The following MEIS3 variants were observed in gnomAD, a reference collection of about 807,000 sequenced individuals.
The protein encoded by MEIS3 is homeobox protein Meis3.
In MEIS3, 38 loss-of-function variants were observed where a neutral mutation model predicts 51.4. That is an observed-to-expected ratio of 0.74 (90% CI 0.57 to 0.97). MEIS3 has a LOEUF of 0.97. MEIS3 is among the 50% of genes least tolerant of loss of function. MEIS3 has a pLI of 0.00. For synonymous variants in MEIS3, 198 were observed against 201.8 expected, an observed-to-expected ratio of 0.98 and a Z score of 0.16; for missense variants, 456 against 502.6, an observed-to-expected ratio of 0.91 and a Z score of 0.89.
upstream of MEIS3, among the ~76,000 whole-genome samples, chr19:47,421,059 C>G (rs12609444): frequency 0.25 from 37,441 of 150,884 alleles, 6,083 homozygotes; most frequent in African/African-American, 0.46. Flanking sequence ...GGTGCTGGAG[C>G]GGGGGTGCCT....
chr19:47,414,985 A>G (rs1435775033), intron 5 of MEIS3, 66 bp downstream of exon 5: 3 of 715,526 alleles, frequency 4.2e-6, no homozygotes, highest in Non-Finnish European at 1.9e-6. Flanking sequence ...GGTGGGGGGC[A>G]GAGGCGACGA....
chr19:47,421,746 CT>C (rs11323618), upstream of MEIS3, among the ~76,000 whole-genome samples: 26,645 of 143,546 alleles, frequency 0.19, 3,580 homozygotes, highest in African/African-American at 0.38. Context: ...TGTCTCCTGG[CT>C]TTTTTTTTTT....
chr19:47,408,491 T>C (rs1385360302), intron 8 of MEIS3, among the ~76,000 whole-genome samples: 1 of 152,092 alleles, frequency 6.6e-6, no homozygotes, highest in Non-Finnish European at 1.5e-5. Context: ...TGTGTTTCTG[T>C]CTGTATCTCT....
upstream of MEIS3, among the ~76,000 whole-genome samples, chr19:47,419,825 C>T (rs748533095): frequency 8.5e-5 from 13 of 152,208 alleles, no homozygotes; most frequent in Middle Eastern, 3.4e-3. Flanking sequence ...TCCTTTCTCT[C>T]CTCTGGCTCT....
chr19:47,414,375 TG>T (rs2122536890), intron 6 of MEIS3, among the ~76,000 whole-genome samples: 1 of 152,134 alleles, frequency 6.6e-6, no homozygotes, highest in East Asian at 1.9e-4. Context: ...ATGGCTGGGC[TG>T]GGGGGCGTGT....
intron 6 of MEIS3, among the ~76,000 whole-genome samples, chr19:47,413,410 A>T (rs1971235073): frequency 6.6e-6 from 1 of 151,858 alleles, no homozygotes; most frequent in Non-Finnish European, 1.5e-5. Context: ...AAAAAAAAAA[A>T]AATGTCTCCG....
At chr19:47,417,930 C>T (rs927726539) in intron 1 of MEIS3, 5 of 568,602 alleles carry the variant, frequency 8.8e-6, no homozygotes, top group South Asian at 4.4e-5. Context: ...CCCCCACACA[C>T]ACATGCACAC....
chr19:47,407,576 C>T, intron 8 of MEIS3, 148 bp from the exon 9 acceptor site: 1 of 1,505,204 alleles, frequency 6.6e-7, no homozygotes, highest in Non-Finnish European at 8.8e-7. Flanking sequence ...TCTGCGCTCC[C>T]CAGGATGGAG....
upstream of MEIS3, among the ~76,000 whole-genome samples, chr19:47,420,940 ACTCT>A (rs71180840): frequency 3.4e-4 from 31 of 90,994 alleles, no homozygotes; most frequent in South Asian, 1.5e-3. Flanking sequence ...ACACACACAC[ACTCT>A]CTCTCTCTCT....
At chr19:47,411,302 T>C (rs1450982176) in intron 6 of MEIS3, among the ~76,000 whole-genome samples, 1 of 152,134 alleles carries the variant, frequency 6.6e-6, no homozygotes, top group East Asian at 1.9e-4. Flanking sequence ...CTAGGCAGGG[T>C]CTGGGGCACA....
chr19:47,407,087 T>C lies in MEIS3; in HGVS notation c.986A>G (p.Asn329Ser), dbSNP rs1970865900. ...RIVQPMIDQS[N>S]RTGQGAAFSP... ...CCGCCTTCCCCCTGTACCTGTGCGG[T>C]TGGATTGATCGATCATAGGTTGCAC... Residue 329 changes from asparagine (N) to serine (S), a missense_variant, in exon 10 of 13, where the codon AAC becomes AGC. Transcript: ENST00000558555. The C allele has an allele frequency of 6.2e-7, 1 of 1,611,046 alleles. No homozygotes were observed. Among genetic ancestry groups the C allele is most frequent in the African/African-American group, 1.3e-5 (1 of 74,846 alleles).
At chr19:47,411,517 TG>T (rs2122514367) in intron 6 of MEIS3, among the ~76,000 whole-genome samples, 1 of 151,064 alleles carries the variant, frequency 6.6e-6, no homozygotes, top group South Asian at 2.1e-4. Context: ...TAAGGGGGTC[TG>T]GGGCTGTATT....
At chr19:47,420,904 TCTCTCTCACACACACACA>T (rs1418455631), upstream of MEIS3, among the ~76,000 whole-genome samples, 1 of 92,662 alleles carries the variant, frequency 1.1e-5, no homozygotes, top group African/African-American at 3.7e-5. Flanking sequence ...TCTCTCTCTC[TCTCTCTCACACACACACA>T]CACACACACA....
At chr19:47,418,005 GATGA>G (rs779211561) in intron 1 of MEIS3, 41 of 422,628 alleles carry the variant, frequency 9.7e-5, no homozygotes, top group East Asian at 4.0e-4. Flanking sequence ...TTGGCACATG[GATGA>G]ATGAATGAAT....
In MEIS3 at chr19:47,415,013, G is replaced by C; in HGVS notation, c.447+38C>G. 3.3e-6 allele frequency: 5 copies of C among 1,527,486 alleles called. 1 individual carries two copies. The highest frequency in any genetic ancestry group is 2.1e-4 in the Middle Eastern group (1 of 4,784). The allele number at this position is 1,527,486 out of a possible 1,614,324, so 94.6% of individuals were successfully genotyped here. On this transcript the variant is annotated intron_variant, in intron 5 of 12. Coordinates refer to ENST00000558555, the MANE Select transcript of MEIS3 (RefSeq NM_001301059.2). ...GGCGACGAGAGGGGGTGGGATGACAGGGGCAAGTGAGGGTGTGGGGAGGTG... is the reference window on the plus strand; with the variant it reads ...GGCGACGAGAGGGGGTGGGATGACACGGGCAAGTGAGGGTGTGGGGAGGTG...
chr19:47,408,965 A>T, intron 8 of MEIS3, 134 bp downstream of exon 8: 1 of 993,718 alleles, frequency 1.0e-6, no homozygotes. Context: ...ACAATTCTCC[A>T]CCTCCATGAG....
chr19:47,413,660 T>C (rs1007488246), intron 6 of MEIS3, among the ~76,000 whole-genome samples: 5 of 151,724 alleles, frequency 3.3e-5, no homozygotes, highest in Non-Finnish European at 7.4e-5. Context: ...GTGTCCTAAG[T>C]GGATAAAACT....
chr19:47,403,866 GAGA>G (rs144489552), intron 12 of MEIS3, among the ~76,000 whole-genome samples: 34 of 152,150 alleles, frequency 2.2e-4, no homozygotes, highest in Non-Finnish European at 2.1e-4. Flanking sequence ...TGGGAAGAGA[GAGA>G]AGAAGTCATG....
chr19:47,408,092 A>G (rs1254072201), intron 8 of MEIS3, among the ~76,000 whole-genome samples: 1 of 151,988 alleles, frequency 6.6e-6, no homozygotes, highest in East Asian at 1.9e-4. Flanking sequence ...GGCATAAGCC[A>G]CCGCACCCAG....
Sources: gnomAD v4.1 joint callset for allele counts (sites outside exome capture counted in the v4.1 genomes callset) on GRCh38, gnomAD v4.1.1 for gene constraint, MANE v1.5 for transcripts, NCBI Gene and HGNC (gene_info 2026-07-23, HGNC 2026-07-21) for gene names.